DLG2: variants seen among roughly 807,000 people sequenced by gnomAD.
DLG2 encodes the protein disks large homolog 2.
In DLG2, 45 loss-of-function variants were observed where a neutral mutation model predicts 132.5. The observed-to-expected ratio is 0.34, with a 90% CI of 0.27 to 0.44. The LOEUF (loss-of-function observed/expected upper bound fraction) is 0.44, where lower values mean the gene tolerates loss of function less well. DLG2 is among the 20% of genes least tolerant of loss of function. DLG2 has a pLI of 1.00. For synonymous variants in DLG2, 424 were observed against 419.6 expected (o/e 1.01, Z -0.13); for missense variants, 1,045 against 1,196.9 (o/e 0.87, Z 1.87).
chr11:85,394,069 A>C (rs286028), intron 3 of DLG2, among the ~76,000 whole-genome samples: 116,941 of 152,050 alleles, frequency 0.77, 45,552 homozygotes, highest in Middle Eastern at 0.86. Flanking sequence ...AATATTTTCA[A>C]GTGGAAAATC....
intron 15 of DLG2, among the ~76,000 whole-genome samples, chr11:83,906,291 A>T (rs1360303619): frequency 3.2e-4 from 47 of 145,470 alleles, no homozygotes; most frequent in African/African-American, 1.1e-3. Flanking sequence ...ACACACACAC[A>T]CACACACACA....
intron 14 of DLG2, among the ~76,000 whole-genome samples, chr11:83,954,630 A>T (rs1025909380): frequency 6.6e-6 from 1 of 152,202 alleles, no homozygotes; most frequent in Admixed American, 6.5e-5. Flanking sequence ...TAAAGTCTGT[A>T]AGGAGTCTGA....
At chr11:84,969,150 C>G (rs1014156112) in intron 6 of DLG2, among the ~76,000 whole-genome samples, 50 of 151,470 alleles carry the variant, frequency 3.3e-4, no homozygotes, top group African/African-American at 1.1e-3. Context: ...ACCCATAATA[C>G]CTTAATAACA....
intron 18 of DLG2, among the ~76,000 whole-genome samples, chr11:83,743,449 T>TTTTTTTTTTTTTTTTA (rs1555372680): frequency 0.011 from 1,324 of 123,852 alleles, 251 homozygotes; most frequent in African/African-American, 0.051. Context: ...TTTTTTTTTT[T>TTTTTTTTTTTTTTTTA]ATGACAGGGT....
chr11:84,124,955 A>T (rs1368512653), intron 9 of DLG2, among the ~76,000 whole-genome samples: 1 of 146,928 alleles, frequency 6.8e-6, no homozygotes, highest in Non-Finnish European at 1.5e-5. Context: ...GGTTCAAGCG[A>T]TTCTCCTGCC....
At chr11:84,544,419 T>C (rs968404401) in intron 6 of DLG2, among the ~76,000 whole-genome samples, 5 of 152,210 alleles carry the variant, frequency 3.3e-5, no homozygotes, top group African/African-American at 7.2e-5. Flanking sequence ...CTCTCAAGAA[T>C]TGGATAGATT....
In DLG2 at chr11:84,206,102, T is replaced by C. The variant is rs374222419; in HGVS notation, c.574-42591A>G. On this transcript the variant is annotated intron_variant, in intron 8 of 27. Coordinates refer to ENST00000376104, the MANE Select transcript of DLG2 (RefSeq NM_001142699.3). ...TTAGATGAAATACTGTAATATTTCATCTAAGTTGCAGTTTCTTTGGCATAG... is the reference window on the plus strand; with the variant it reads ...TTAGATGAAATACTGTAATATTTCACCTAAGTTGCAGTTTCTTTGGCATAG... Among the ~76,000 whole-genome samples the C allele has an allele frequency of 2.0e-5, 3 of 152,182 alleles. No homozygotes were observed. The East Asian group carries it at 5.8e-4, about 29-fold the overall frequency.
At chr11:85,495,278 T>C (rs1342486945) in intron 3 of DLG2, among the ~76,000 whole-genome samples, 1 of 152,160 alleles carries the variant, frequency 6.6e-6, no homozygotes, top group Non-Finnish European at 1.5e-5. Flanking sequence ...CCTACTTAAA[T>C]AGAAGAATCA....
At chr11:84,286,427 C>A (rs1468939184) in intron 7 of DLG2, among the ~76,000 whole-genome samples, 2 of 152,102 alleles carry the variant, frequency 1.3e-5, no homozygotes, top group African/African-American at 4.8e-5. Flanking sequence ...GTGGTCTACT[C>A]TAGTAAACAG....
At chr11:84,147,954 T>G (rs2095146524) in intron 9 of DLG2, among the ~76,000 whole-genome samples, 1 of 151,982 alleles carries the variant, frequency 6.6e-6, no homozygotes, top group Non-Finnish European at 1.5e-5. Flanking sequence ...ATTCATATGT[T>G]ATTTTTATTT....
At chr11:84,783,807 A>C (rs913580661) in intron 6 of DLG2, among the ~76,000 whole-genome samples, 7 of 152,090 alleles carry the variant, frequency 4.6e-5, no homozygotes, top group African/African-American at 1.7e-4. Context: ...AACATGTCAA[A>C]TAATTATTGG....
intron 15 of DLG2, among the ~76,000 whole-genome samples, chr11:83,894,273 TAC>T (rs1228729595): frequency 6.6e-6 from 1 of 152,148 alleles, no homozygotes; most frequent in African/African-American, 2.4e-5. Flanking sequence ...CTAAGAATCT[TAC>T]AGTTTATATA....
At chr11:84,705,222 A>G (rs890386802) in intron 6 of DLG2, among the ~76,000 whole-genome samples, 8 of 151,686 alleles carry the variant, frequency 5.3e-5, no homozygotes, top group Admixed American at 4.6e-4. Flanking sequence ...TGGAGAAGAC[A>G]ATGGTGCTGA....
rs533819236 is a variant in DLG2 at position 84,345,288 on chromosome 11, G to A, written c.520-93997C>T. Among the ~76,000 whole-genome samples the A allele has an allele frequency of 1.6e-4, 25 of 152,210 alleles. 2 individuals are homozygous for A. The South Asian group carries it at 4.6e-3, about 28-fold the overall frequency. On this transcript the variant is annotated intron_variant, in intron 7 of 27. Coordinates refer to ENST00000376104, the MANE Select transcript of DLG2 (RefSeq NM_001142699.3). ...ACATGGATTTGGAAATTTTGAAACC[G>A]GTATATTTGCAGAATGTGAAAGTAA...
intron 7 of DLG2, among the ~76,000 whole-genome samples, chr11:84,502,176 TTC>T (rs1283900675): frequency 1.2e-4 from 3 of 25,592 alleles, no homozygotes; most frequent in African/African-American, 2.9e-4. Context: ...CTCTCTCTCT[TTC>T]TCTCTCTTTC....
chr11:85,166,359 G>T (rs1271386126), intron 4 of DLG2, among the ~76,000 whole-genome samples: 4 of 151,998 alleles, frequency 2.6e-5, no homozygotes, highest in African/African-American at 9.7e-5. Context: ...TTGCATGCTT[G>T]TATTTCCTCT....
intron 6 of DLG2, among the ~76,000 whole-genome samples, chr11:84,651,826 A>T (rs1439580986): frequency 6.6e-6 from 1 of 152,120 alleles, no homozygotes; most frequent in Non-Finnish European, 1.5e-5. Flanking sequence ...AAAGGTGAAA[A>T]CTCTGTGATC....
At chr11:85,362,597 C>T (rs187527784) in intron 3 of DLG2, among the ~76,000 whole-genome samples, 2 of 151,430 alleles carry the variant, frequency 1.3e-5, no homozygotes, top group Admixed American at 1.3e-4. Context: ...AATTTGGATG[C>T]CTTTTTTTTT....
At chr11:84,068,761 G>A (rs1369422560) in intron 10 of DLG2, among the ~76,000 whole-genome samples, 1 of 152,196 alleles carries the variant, frequency 6.6e-6, no homozygotes, top group Non-Finnish European at 1.5e-5. Context: ...CTGGCACCTA[G>A]TGGGAAAAGT....
Sources: gnomAD v4.1 joint callset for allele counts (sites outside exome capture counted in the v4.1 genomes callset) on GRCh38, gnomAD v4.1.1 for gene constraint, MANE v1.5 for transcripts, NCBI Gene and HGNC (gene_info 2026-07-23, HGNC 2026-07-21) for gene names.